The following GNA12 variants were observed in gnomAD, a reference collection of about 807,000 sequenced individuals.
GNA12 encodes the protein guanine nucleotide-binding protein subunit alpha-12.
In GNA12, 9 loss-of-function variants were observed where a neutral mutation model predicts 26.0. The ratio of observed to expected loss-of-function variants is 0.35; its 90% CI spans 0.21 to 0.60. The LOEUF is 0.60. Ranked by LOEUF, GNA12 falls within the 20% of genes least tolerant of loss-of-function variation. The pLI, the probability that GNA12 is intolerant of heterozygous loss-of-function variation, is 0.78. For missense variants in GNA12, 405 were observed against 525.8 expected, an observed-to-expected ratio of 0.77 and a Z score of 2.25; for synonymous variants, 264 against 219.6, an observed-to-expected ratio of 1.20 and a Z score of -1.79.
intron 2 of GNA12, among the ~76,000 whole-genome samples, chr7:2,790,350 C>T (rs1458394213): frequency 6.6e-6 from 1 of 152,192 alleles, no homozygotes; most frequent in East Asian, 1.9e-4. Flanking sequence ...CTCCTGGGCT[C>T]AAGTGAACCT....
intron 2 of GNA12, among the ~76,000 whole-genome samples, chr7:2,758,910 C>T (rs929246768): frequency 2.0e-5 from 3 of 151,976 alleles, no homozygotes; most frequent in Non-Finnish European, 2.9e-5. Context: ...TCTGGGAGGC[C>T]GAGGTGGATC....
At chr7:2,826,959 TCA>T (rs1195863294) in intron 1 of GNA12, among the ~76,000 whole-genome samples, 1 of 152,176 alleles carries the variant, frequency 6.6e-6, no homozygotes, top group Non-Finnish European at 1.5e-5. Context: ...TCATATTCAC[TCA>T]CAACTTTCCC....
At chr7:2,788,220 C>T (rs1339895882) in intron 2 of GNA12, among the ~76,000 whole-genome samples, 2 of 152,162 alleles carry the variant, frequency 1.3e-5, no homozygotes, top group Admixed American at 1.3e-4. Context: ...CCATGGCCAC[C>T]CCATGGATCC....
intron 1 of GNA12, among the ~76,000 whole-genome samples, chr7:2,804,845 G>T (rs1233958530): frequency 2.6e-5 from 4 of 151,736 alleles, no homozygotes; most frequent in African/African-American, 9.7e-5. Context: ...GATCTGTTGA[G>T]CCCAGGAGTT....
chr7:2,785,926 G>T (rs891710899), intron 2 of GNA12, among the ~76,000 whole-genome samples: 1 of 152,196 alleles, frequency 6.6e-6, no homozygotes, highest in African/African-American at 2.4e-5. Flanking sequence ...AATTAGTCAG[G>T]TGTGGTGGCG....
intron 1 of GNA12, among the ~76,000 whole-genome samples, chr7:2,818,769 A>T (rs1360347523): frequency 6.6e-6 from 1 of 151,436 alleles, no homozygotes; most frequent in South Asian, 2.1e-4. Flanking sequence ...GAAAAAAAAA[A>T]AAAAAAGCAA....
At chr7:2,769,422 T>A (rs1459770411) in intron 2 of GNA12, among the ~76,000 whole-genome samples, 1 of 152,118 alleles carries the variant, frequency 6.6e-6, no homozygotes, top group Non-Finnish European at 1.5e-5. Context: ...AGAGTATCCA[T>A]ATTAATTTTT....
chr7:2,822,644 C>T (rs755297565), intron 1 of GNA12, among the ~76,000 whole-genome samples: 1 of 152,106 alleles, frequency 6.6e-6, no homozygotes, highest in Non-Finnish European at 1.5e-5. Flanking sequence ...CATAGTGAGT[C>T]CTTGTTTCTA....
chr7:2,798,747 C>T (rs149549692), intron 1 of GNA12, among the ~76,000 whole-genome samples: 446 of 152,274 alleles, frequency 2.9e-3, no homozygotes, highest in Non-Finnish European at 4.4e-3. Flanking sequence ...GATTTTAAGA[C>T]TTATTATATA....
intron 2 of GNA12, among the ~76,000 whole-genome samples, chr7:2,767,737 A>G (rs1266488003): frequency 6.6e-6 from 1 of 152,266 alleles, no homozygotes; most frequent in Non-Finnish European, 1.5e-5. Flanking sequence ...GATTTTGGAA[A>G]GATAACATGG....
rs563607104 is a variant in GNA12, at chr7:2,809,700, G to A, written c.310-14557C>T. 2.3e-3 allele frequency among the ~76,000 whole-genome samples: 346 copies of A among 152,216 alleles called. 1 individual carries two copies. The highest frequency in any genetic ancestry group is 4.1e-3 in the Non-Finnish European group (278 of 67,970). On this transcript the variant is annotated intron_variant, in intron 1 of 3. Transcript: ENST00000275364. ...TTGACAGGAAAAGATCAGCCAAAAA[G>A]ACAACAGCTTACTTTACTGTGGTGG...
intron 2 of GNA12, among the ~76,000 whole-genome samples, chr7:2,741,340 G>C (rs934696313): frequency 6.6e-6 from 1 of 152,156 alleles, no homozygotes; most frequent in Non-Finnish European, 1.5e-5. Flanking sequence ...GGGCAACAGA[G>C]TGAGACACTG....
At chr7:2,739,615 T>G (rs1790397701) in intron 2 of GNA12, among the ~76,000 whole-genome samples, 1 of 152,330 alleles carries the variant, frequency 6.6e-6, no homozygotes, top group South Asian at 2.1e-4. Flanking sequence ...AGTTTTTGCT[T>G]GAATATCTGT....
chr7:2,737,272 T>TTG (rs1562394858), intron 2 of GNA12, among the ~76,000 whole-genome samples: 1 of 54,808 alleles, frequency 1.8e-5, no homozygotes, highest in African/African-American at 6.2e-5. Flanking sequence ...CAGTTTTGTT[T>TTG]TGTTTTTTTT....
chr7:2,773,334 T>A (rs755063516), intron 2 of GNA12, among the ~76,000 whole-genome samples: 1 of 152,166 alleles, frequency 6.6e-6, no homozygotes, highest in Admixed American at 6.5e-5. Flanking sequence ...GAGGCCGACA[T>A]GGGTGATCAC....
intron 1 of GNA12, among the ~76,000 whole-genome samples, chr7:2,825,668 G>A (rs1448125547): frequency 1.3e-5 from 2 of 152,172 alleles, no homozygotes; most frequent in African/African-American, 4.8e-5. Context: ...TTTGTAAACA[G>A]GAAAGCAGCC....
intron 2 of GNA12, among the ~76,000 whole-genome samples, chr7:2,790,633 A>G (rs1308472183): frequency 1.3e-5 from 2 of 152,346 alleles, no homozygotes; most frequent in East Asian, 3.9e-4. Context: ...ACACTGATAT[A>G]TCTATATCAT....
chr7:2,743,829 C>A (rs1221390836), intron 2 of GNA12, among the ~76,000 whole-genome samples: 4 of 152,116 alleles, frequency 2.6e-5, no homozygotes, highest in African/African-American at 9.7e-5. Flanking sequence ...CACCCTAACA[C>A]TGCACTTTCC....
At chr7:2,733,122 A>C (rs1039515608) in intron 3 of GNA12, among the ~76,000 whole-genome samples, 1 of 152,196 alleles carries the variant, frequency 6.6e-6, no homozygotes, top group African/African-American at 2.4e-5. Flanking sequence ...AATCAGTGAT[A>C]ACTGCCATGC....
Sources: gnomAD v4.1 joint callset for allele counts (sites outside exome capture counted in the v4.1 genomes callset) on GRCh38, gnomAD v4.1.1 for gene constraint, MANE v1.5 for transcripts, NCBI Gene and HGNC (gene_info 2026-07-23, HGNC 2026-07-21) for gene names.